The following TNPO2 variants were observed in gnomAD, a reference collection of about 807,000 sequenced individuals.
The protein encoded by TNPO2 is transportin 2, also known as transportin-2.
TNPO2 carries 16 observed loss-of-function variants against 111.1 expected under a neutral mutation model. That is an observed-to-expected ratio of 0.14 (90% confidence interval 0.10 to 0.22). The LOEUF is 0.22. Among genes scored for constraint, TNPO2 ranks in the 10% least tolerant of loss-of-function variants. The pLI, the probability that TNPO2 is intolerant of heterozygous loss-of-function variation, is 1.00. For missense variants in TNPO2, 530 were observed against 1,173.7 expected, an observed-to-expected ratio of 0.45 and a Z score of 8.01; for synonymous variants, 481 against 475.8, an observed-to-expected ratio of 1.01 and a Z score of -0.14.
chr19:12,704,722 G>T (rs985704211), intron 18 of TNPO2, among the ~76,000 whole-genome samples: 3 of 151,662 alleles, frequency 2.0e-5, no homozygotes, highest in Non-Finnish European at 4.4e-5. Flanking sequence ...TCAGTTTATT[G>T]CCCAGGCTGG....
Position 12,706,044 on chromosome 19 carries a change from G to C in TNPO2, c.1668+152C>G, listed in dbSNP as rs572823887. 1.2e-6 allele frequency: 1 copy of C among 840,880 alleles called. No homozygotes were observed. Among genetic ancestry groups the C allele is most frequent in the East Asian group, 2.7e-5 (1 of 36,570 alleles). The allele number at this position is 840,880 out of a possible 1,614,324, so 52.1% of individuals were successfully genotyped here. ...TCATAACTGTCTTTCTCCCCCACTA[G>C]ACTGGGAGCAGGGCGAGGGCGGGGC... On this transcript the variant is annotated intron_variant, in intron 15 of 25. Transcript: ENST00000425528. This position sits in a 1 kb window ranked among gnomAD's most constrained non-coding sequence, Gnocchi z 7.0.
intron 13 of TNPO2, among the ~76,000 whole-genome samples, chr19:12,709,064 G>A (rs1440215002): frequency 6.6e-6 from 1 of 150,474 alleles, no homozygotes; most frequent in Admixed American, 6.6e-5. Context: ...AAAAAAAGAG[G>A]CCAGGCGTGG....
At chr19:12,714,782 C>T (rs781515645) in intron 10 of TNPO2, 39 bp downstream of exon 10, 23 of 1,563,576 alleles carry the variant, frequency 1.5e-5, no homozygotes, top group South Asian at 2.2e-5. Flanking sequence ...AGCAAGGGGT[C>T]GAAGCTGGGG....
intron 3 of TNPO2, among the ~76,000 whole-genome samples, chr19:12,720,103 G>A (rs1036011467): frequency 4.6e-5 from 7 of 151,784 alleles, no homozygotes; most frequent in African/African-American, 1.7e-4. Flanking sequence ...TGCAACCTCC[G>A]CCTCCCAGGT....
chr19:12,707,183 G>A (rs1388816083), intron 13 of TNPO2, among the ~76,000 whole-genome samples: 1 of 152,036 alleles, frequency 6.6e-6, no homozygotes, highest in East Asian at 1.9e-4. Context: ...ATTTTCAGTA[G>A]AGACAGGGTT....
At position 12,708,939 on chromosome 19, in the gene TNPO2, G is replaced by A. The variant is rs186536221; in HGVS notation, c.1270+1682C>T. On this transcript the variant is annotated intron_variant, in intron 13 of 25. Coordinates refer to ENST00000425528, the MANE Select transcript of TNPO2 (RefSeq NM_001382241.1). ...ATCCCAAGCTACTCTGGAGGCTGAGGCAGGAGAATTGCTTGAACCCGGGAG... is the reference window on the plus strand; with the variant it reads ...ATCCCAAGCTACTCTGGAGGCTGAGACAGGAGAATTGCTTGAACCCGGGAG... Among the ~76,000 whole-genome samples the A allele has an allele frequency of 9.5e-4, 145 of 152,100 alleles. 1 individual carries two copies. Among genetic ancestry groups the A allele is most frequent in the African/African-American group, 3.3e-3 (138 of 41,488 alleles).
At chr19:12,703,551 G>A (rs2025453507) in intron 19 of TNPO2, 25 bp from the exon 20 acceptor site, 1 of 1,611,430 alleles carries the variant, frequency 6.2e-7, no homozygotes, top group Non-Finnish European at 8.5e-7. Context: ...CAGGGGTGCT[G>A]AGAAGGAGGG....
At chr19:12,704,092 G>A (rs945681819) in intron 18 of TNPO2, among the ~76,000 whole-genome samples, 1 of 152,224 alleles carries the variant, frequency 6.6e-6, no homozygotes, top group East Asian at 1.9e-4. Context: ...AGGGCCAGGC[G>A]CAGTGGTTCA....
intron 20 of TNPO2, 58 bp downstream of exon 20, chr19:12,703,369 GC>G: frequency 1.3e-6 from 2 of 1,506,150 alleles, no homozygotes; most frequent in Non-Finnish European, 1.8e-6. Context: ...CTAGGCTCCC[GC>G]CCCCAGGTTG....
Position 12,702,284 on chromosome 19 carries a change from T to G in TNPO2, c.2306-107A>C, listed in dbSNP as rs2145448563. 2.1e-6 allele frequency: 2 copies of G among 962,108 alleles called. No individual in the cohort carries two copies. The highest frequency in any genetic ancestry group is 2.6e-5 in the East Asian group (1 of 38,328). 59.6% of individuals were successfully genotyped at this position (962,108 alleles called of 1,614,324 possible). ...GGAATGGCTACTGCAGCCACCCTGG[T>G]CCCCCAAGCTTGGCCCAGCCAGGGG... On this transcript the variant is annotated intron_variant, in intron 21 of 25. Coordinates refer to ENST00000425528, the MANE Select transcript of TNPO2 (RefSeq NM_001382241.1). This position sits in a 1 kb window ranked among gnomAD's most constrained non-coding sequence, Gnocchi z 5.5.
intron 13 of TNPO2, among the ~76,000 whole-genome samples, chr19:12,707,706 C>T (rs1437139923): frequency 6.6e-6 from 1 of 151,694 alleles, no homozygotes; most frequent in African/African-American, 2.4e-5. Flanking sequence ...CTAGACTGGT[C>T]TTAAAATCCC....
At chr19:12,710,223 G>A (rs1025205945) in intron 13 of TNPO2, among the ~76,000 whole-genome samples, 7 of 152,174 alleles carry the variant, frequency 4.6e-5, no homozygotes, top group African/African-American at 1.7e-4. Context: ...TGACTGTAAG[G>A]AAGTGGCATC....
rs556590964 is a variant in TNPO2 at position 12,706,944 on chromosome 19, T to A, written c.1271-149A>T. 13 of 682,154 alleles carry A rather than the reference T, an allele frequency of 1.9e-5. No homozygotes were observed. Among genetic ancestry groups the A allele is most frequent in the Non-Finnish European group, 3.2e-5 (13 of 402,064 alleles). 42.3% of individuals were successfully genotyped at this position (682,154 alleles called of 1,614,324 possible). On this transcript the variant is annotated intron_variant, in intron 13 of 25. Transcript: ENST00000425528. This position sits in a 1 kb window ranked among gnomAD's most constrained non-coding sequence, Gnocchi z 7.0. ...CCCAGACTCATTTCACAGAGCCAGG[T>A]AAAGGCAGGCACAGGAGGGGAAACA... is the stretch of plus-strand genomic sequence containing the variant.
chr19:12,701,888 G>C lies in TNPO2; in HGVS notation c.2412-37C>G. On this transcript the variant is annotated intron_variant, in intron 22 of 25. Transcript: ENST00000425528. This position sits in a 1 kb window ranked among gnomAD's most constrained non-coding sequence, Gnocchi z 5.0. ...TGAGCAGCTGGAGGTCAGAGGGCAGGCTGGGCATGCATCTGTGGAGGGCTG... is the reference window on the plus strand; with the variant it reads ...TGAGCAGCTGGAGGTCAGAGGGCAGCCTGGGCATGCATCTGTGGAGGGCTG... 2 of 1,567,678 alleles carry C rather than the reference G, an allele frequency of 1.3e-6. No individual in the cohort carries two copies. The highest frequency in any genetic ancestry group is 1.8e-6 in the Non-Finnish European group (2 of 1,141,062).
In TNPO2 at chr19:12,715,398, C is replaced by T; in HGVS notation, c.566+7G>A. The T allele has an allele frequency of 1.2e-6, 2 of 1,613,936 alleles. No homozygotes were observed. Among genetic ancestry groups the T allele is most frequent in the Non-Finnish European group, 1.7e-6 (2 of 1,179,850 alleles). On this transcript the variant is annotated splice_region_variant and intron_variant, in intron 7 of 25. Transcript: ENST00000425528. This position sits in a 1 kb window ranked among gnomAD's most constrained non-coding sequence, Gnocchi z 7.1. ...CTCCCTGGAAGCCCCCAGGGAGCTG[C>T]ACCCACCGGATCTTGGGACTGCAGT...
rs371860583 is a variant in TNPO2 at position 12,719,514 on chromosome 19, G to C, written c.100-178C>G. Among the ~76,000 whole-genome samples, 1 of 152,230 alleles carries C rather than the reference G, an allele frequency of 6.6e-6. No homozygotes were observed. The highest frequency in any genetic ancestry group is 2.4e-5 in the African/African-American group (1 of 41,536). On this transcript the variant is annotated intron_variant, in intron 3 of 25. Coordinates refer to ENST00000425528, the MANE Select transcript of TNPO2 (RefSeq NM_001382241.1). The surrounding 1 kb of genome is among the most constrained non-coding windows in gnomAD (Gnocchi z 5.0). ...TCAGACACGTCAAATTCATATAAGG[G>C]GCCGGGCGCGGTGGCTCACGCCTGT...
Position 12,705,805 on chromosome 19 carries a change from G to A in TNPO2, c.1669-37C>T, listed in dbSNP as rs763808796. On this transcript the variant is annotated intron_variant, in intron 15 of 25. Coordinates refer to ENST00000425528, the MANE Select transcript of TNPO2 (RefSeq NM_001382241.1). This position sits in a 1 kb window ranked among gnomAD's most constrained non-coding sequence, Gnocchi z 7.2. The stretch of plus-strand genomic sequence containing the variant: ...GCACGAAATGGGCGCTCCCTGGGTC[G>A]GGGTGGCAGACTGTGACTCAGGTAC... The A allele has an allele frequency of 1.1e-5, 16 of 1,402,234 alleles. No individual in the cohort carries two copies. The highest frequency in any genetic ancestry group is 2.5e-5 in the East Asian group (1 of 39,682). The allele number at this position is 1,402,234 out of a possible 1,614,324, so 86.9% of individuals were successfully genotyped here.
At chr19:12,717,623 C>T (rs769759797) in intron 5 of TNPO2, among the ~76,000 whole-genome samples, 3 of 152,064 alleles carry the variant, frequency 2.0e-5, no homozygotes, top group Non-Finnish European at 4.4e-5. Flanking sequence ...ATAGAATGAG[C>T]TCAGGAAGTC....
At chr19:12,708,319 A>G (rs1368009841) in intron 13 of TNPO2, among the ~76,000 whole-genome samples, 6 of 150,968 alleles carry the variant, frequency 4.0e-5, no homozygotes. Flanking sequence ...TTTAGCAGAG[A>G]TGGGGTTTTG....
Sources: gnomAD v4.1 joint callset for allele counts (sites outside exome capture counted in the v4.1 genomes callset) on GRCh38, gnomAD v4.1.1 for gene constraint, Gnocchi (gnomAD v3.1) non-coding constraint, MANE v1.5 for transcripts, NCBI Gene and HGNC (gene_info 2026-07-23, HGNC 2026-07-21) for gene names.